Variants in DENND2C observed in about 807,000 individuals in gnomAD.
DENND2C encodes DENN domain-containing protein 2C.
A neutral mutation model predicts 112.4 loss-of-function variants in DENND2C; 72 were observed. The ratio of observed to expected loss-of-function variants is 0.64; its 90% confidence interval spans 0.53 to 0.78. The LOEUF (loss-of-function observed/expected upper bound fraction) is 0.78. Among genes scored for constraint, DENND2C ranks in the 30% least tolerant of loss-of-function variants. DENND2C has a pLI of 0.00. For missense variants in DENND2C, 992 were observed against 1,113.8 expected (o/e 0.89, Z 1.56); for synonymous variants, 329 against 381.6 (o/e 0.86, Z 1.61).
intron 10 of DENND2C, among the ~76,000 whole-genome samples, chr1:114,605,842 AT>A (rs1004992785): frequency 2.0e-5 from 3 of 152,134 alleles, no homozygotes; most frequent in African/African-American, 7.2e-5. Flanking sequence ...CCCATATATA[AT>A]CATTTCCTTT....
At position 114,585,435 on chromosome 1, in the gene DENND2C, T is replaced by G; in HGVS notation, c.*165A>C. On this transcript the variant is annotated 3_prime_UTR_variant, in exon 21 of 21. Transcript: ENST00000393274. ...CCATTCCCAACAATTCTCCAGTGAT[T>G]ACTACAGCAGCAACAGGAGAATCCT... 1 of 671,860 alleles carries G rather than the reference T, an allele frequency of 1.5e-6. No individual in the cohort carries two copies. The highest frequency in any genetic ancestry group is 2.6e-6 in the Non-Finnish European group (1 of 390,986). 41.6% of individuals were successfully genotyped at this position (671,860 alleles called of 1,614,324 possible).
chr1:114,621,832 C>T, intron 7 of DENND2C, 63 bp downstream of exon 7: 1 of 1,538,552 alleles, frequency 6.5e-7, no homozygotes, highest in Admixed American at 2.0e-5. Flanking sequence ...CTAAAGTTTA[C>T]TTATTCTCAT....
chr1:114,628,953 T>C (rs1465438617), intron 3 of DENND2C, among the ~76,000 whole-genome samples: 2 of 152,256 alleles, frequency 1.3e-5, no homozygotes, highest in East Asian at 1.9e-4. Context: ...GATTTATCTT[T>C]TGAAAACTTC....
In DENND2C at chr1:114,594,548, T is replaced by C. The variant is rs996414858; in HGVS notation, c.2356A>G (p.Lys786Glu). 6.2e-7 allele frequency: 1 copy of C among 1,613,898 alleles called. No homozygotes were observed. The highest frequency in any genetic ancestry group is 1.1e-5 in the South Asian group (1 of 91,078). The change falls in exon 18 of 21, where the codon AAA becomes GAA. Residue 786 changes from lysine (K) to glutamate (E), a missense_variant. Transcript: ENST00000393274. ...ATCTGCATCAGGGCAGCTTGAAGTTTTGGTGGTAGAATTTCATCCTCATCA... is the reference window on the plus strand; with the variant it reads ...ATCTGCATCAGGGCAGCTTGAAGTTCTGGTGGTAGAATTTCATCCTCATCA... ...VSDEDEILPP[K>E]LQAALMQILE...
chr1:114,643,366 T>C (rs1235510207), intron 3 of DENND2C, among the ~76,000 whole-genome samples: 1 of 152,194 alleles, frequency 6.6e-6, no homozygotes, highest in Admixed American at 6.5e-5. Context: ...AAAGCCTCAA[T>C]ACATTTTTAA....
chr1:114,612,565 G>A (rs1232912153), intron 8 of DENND2C, among the ~76,000 whole-genome samples: 1 of 151,224 alleles, frequency 6.6e-6, no homozygotes, highest in African/African-American at 2.4e-5. Flanking sequence ...TGTCGCCCAG[G>A]CTGGAGTGCA....
At chr1:114,611,157 A>G (rs981074347) in intron 8 of DENND2C, 40 bp from the exon 9 acceptor site, 3 of 1,610,920 alleles carry the variant, frequency 1.9e-6, no homozygotes, top group African/African-American at 2.7e-5. Context: ...ATTGTCCAAC[A>G]GTAGGAAGTA....
Position 114,623,655 on chromosome 1 carries a change from A to T in DENND2C, c.807-12T>A. 1.9e-6 allele frequency: 3 copies of T among 1,574,390 alleles called. No individual in the cohort carries two copies. Among genetic ancestry groups the T allele is most frequent in the Non-Finnish European group, 2.6e-6 (3 of 1,162,588 alleles). On this transcript the variant is annotated splice_polypyrimidine_tract_variant and intron_variant, in intron 4 of 20. Coordinates refer to ENST00000393274, the MANE Select transcript of DENND2C (RefSeq NM_001256404.2). ...ATTCAAAGGATTTCCTTAAAAAAGG[A>T]GATATATTTTAAAGTTATATCTTTC...
chr1:114,662,655 T>A (rs1484859005), intron 1 of DENND2C, among the ~76,000 whole-genome samples: 1 of 150,160 alleles, frequency 6.7e-6, no homozygotes, highest in East Asian at 1.9e-4. Context: ...AAAAAAAAAA[T>A]CTTGAATTTA....
intron 2 of DENND2C, among the ~76,000 whole-genome samples, chr1:114,651,276 TACACACAC>T (rs57202953): frequency 7.2e-6 from 1 of 139,268 alleles, no homozygotes; most frequent in African/African-American, 2.7e-5. Context: ...TCCCTACACA[TACACACAC>T]ACACACACAC....
In DENND2C at chr1:114,623,527, T is replaced by C. The variant is rs776633583; in HGVS notation, c.923A>G (p.Asn308Ser). The C allele has an allele frequency of 8.7e-6, 14 of 1,607,520 alleles. No individual in the cohort carries two copies. Among genetic ancestry groups the C allele is most frequent in the Admixed American group, 1.7e-5 (1 of 58,612 alleles). ...SALYYTQSED[N>S]IYEDIIYPTK... ...CCTACATATGATATCTTCATAGATATTGTCCTCAGACTGTGTGTAATAAAG... is the reference window on the plus strand; with the variant it reads ...CCTACATATGATATCTTCATAGATACTGTCCTCAGACTGTGTGTAATAAAG... Residue 308 changes from asparagine (N) to serine (S), a missense_variant, in exon 5 of 21, where the codon AAT (asparagine) becomes AGT (serine). Coordinates refer to ENST00000393274, the MANE Select transcript of DENND2C (RefSeq NM_001256404.2).
At chr1:114,620,401 T>C (rs1656132979) in intron 7 of DENND2C, among the ~76,000 whole-genome samples, 1 of 152,216 alleles carries the variant, frequency 6.6e-6, no homozygotes, top group South Asian at 2.1e-4. Flanking sequence ...TTTTGAGTAC[T>C]TGAGATCCAT....
intron 8 of DENND2C, among the ~76,000 whole-genome samples, chr1:114,613,878 A>G (rs1655887342): frequency 6.6e-6 from 1 of 152,194 alleles, no homozygotes; most frequent in African/African-American, 2.4e-5. Context: ...ACACAAAATT[A>G]TAATGACAGA....
At chr1:114,612,745 C>A (rs1655857284) in intron 8 of DENND2C, among the ~76,000 whole-genome samples, 1 of 152,088 alleles carries the variant, frequency 6.6e-6, no homozygotes, top group South Asian at 2.1e-4. Context: ...GTCTTGAATT[C>A]CTGACCTCGT....
chr1:114,620,830 A>C (rs977940440), intron 7 of DENND2C, among the ~76,000 whole-genome samples: 4 of 152,212 alleles, frequency 2.6e-5, no homozygotes, highest in African/African-American at 9.6e-5. Context: ...ATAAGAATTA[A>C]AACTGTGGAA....
chr1:114,651,278 C>CAT (rs1486278388), intron 2 of DENND2C, among the ~76,000 whole-genome samples: 17 of 146,230 alleles, frequency 1.2e-4, no homozygotes, highest in Admixed American at 1.1e-3. Flanking sequence ...CCTACACATA[C>CAT]ACACACACAC....
At chr1:114,641,215 T>C (rs1185316471) in intron 3 of DENND2C, among the ~76,000 whole-genome samples, 3 of 147,728 alleles carry the variant, frequency 2.0e-5, no homozygotes, top group Admixed American at 6.9e-5. Flanking sequence ...GGAGAATTGC[T>C]TGAGCCCAAG....
chr1:114,592,443 C>T (rs1388035675), intron 18 of DENND2C, among the ~76,000 whole-genome samples: 1 of 152,038 alleles, frequency 6.6e-6, no homozygotes, highest in Non-Finnish European at 1.5e-5. Flanking sequence ...TATGGTTGGG[C>T]GCAATGGCTC....
At chr1:114,614,568 G>C (rs1346177102) in intron 8 of DENND2C, among the ~76,000 whole-genome samples, 2 of 151,536 alleles carry the variant, frequency 1.3e-5, no homozygotes, top group East Asian at 3.8e-4. Context: ...AAGTTGGCTA[G>C]AAGTTGGAGG....
Sources: allele counts gnomAD v4.1 joint callset (sites outside exome capture counted in the v4.1 genomes callset), GRCh38; gene constraint gnomAD v4.1.1; transcripts MANE v1.5; gene names NCBI Gene and HGNC (gene_info 2026-07-23, HGNC 2026-07-21).